USP32: variants seen among roughly 807,000 people sequenced by gnomAD.
USP32 encodes ubiquitin specific peptidase 32, also known as ubiquitin carboxyl-terminal hydrolase 32.
A neutral mutation model predicts 204.8 loss-of-function variants in USP32; 59 were observed. The ratio of observed to expected loss-of-function variants is 0.29; its 90% CI spans 0.23 to 0.36. USP32 has a LOEUF of 0.36. Among genes scored for constraint, USP32 ranks in the 10% least tolerant of loss-of-function variants. The probability of loss-of-function intolerance (pLI) is 1.00; values close to 1 mark genes in which losing one functional copy is unlikely to be tolerated. For missense variants in USP32, 1,160 were observed against 1,946.4 expected (o/e 0.60, Z 7.60); for synonymous variants, 517 against 678.4 (o/e 0.76, Z 3.70).
At chr17:60,392,544 T>G (rs2089861105), upstream of USP32, 3 of 395,774 alleles carry the variant, frequency 7.6e-6, no homozygotes, top group Non-Finnish European at 1.5e-5. Flanking sequence ...CAGCTGACGG[T>G]TAGTGTGGCA....
chr17:60,224,413 G>A (rs959545104), intron 13 of USP32, among the ~76,000 whole-genome samples: 1 of 152,156 alleles, frequency 6.6e-6, no homozygotes, highest in African/African-American at 2.4e-5. Flanking sequence ...ATTCTACAAG[G>A]AGCTTTGTGA....
chr17:60,257,213 T>TTTTAATAAAATA (rs1424691056), intron 9 of USP32: 24 of 157,902 alleles, frequency 1.5e-4, no homozygotes, highest in African/African-American at 5.8e-4. Context: ...GCAATAATTT[T>TTTTAATAAAATA]ATTAAAAAAG....
rs202119629 is a variant in USP32, at chr17:60,255,171, A to G, written c.1074+4T>C. On this transcript the variant is annotated splice_donor_region_variant and intron_variant, in intron 10 of 33. Transcript: ENST00000300896. ...TCTGTTGCTGTCATTTACCTTAAAC[A>G]TACCTGGAAAAGGAGGTTCAAAAAC... is the stretch of plus-strand genomic sequence containing the variant. The G allele has an allele frequency of 1.3e-4, 205 of 1,609,174 alleles. 1 individual carries two copies. In the African/African-American group the frequency reaches 2.6e-3, roughly 20 times the overall value.
chr17:60,316,818 G>A (rs1265132089), intron 2 of USP32, among the ~76,000 whole-genome samples: 1 of 152,110 alleles, frequency 6.6e-6, no homozygotes, highest in African/African-American at 2.4e-5. Flanking sequence ...TCCAGCCTGG[G>A]CAAAAGAGCG....
chr17:60,214,533 C>A lies in USP32; in HGVS notation c.2022+87G>T, dbSNP rs541914593. 8.2e-5 allele frequency: 103 copies of A among 1,254,846 alleles called. No individual in the cohort carries two copies. The African/African-American group carries it at 1.4e-3, about 17-fold the overall frequency. 77.7% of individuals were successfully genotyped at this position (1,254,846 alleles called of 1,614,324 possible). A position where few individuals can be genotyped will look rare whatever the true frequency, so the allele number is the denominator to read the frequency against. ...CATATGTACTAAAATTGGAACAATA[C>A]AAAGAAGTTTAGCAAATTTCTTTTA... On this transcript the variant is annotated intron_variant, in intron 17 of 33. Coordinates refer to ENST00000300896, the MANE Select transcript of USP32 (RefSeq NM_032582.4).
intron 1 of USP32, among the ~76,000 whole-genome samples, chr17:60,400,696 G>A (rs549694284): frequency 6.6e-6 from 1 of 152,174 alleles, no homozygotes; most frequent in Non-Finnish European, 1.5e-5. Flanking sequence ...GACATAGGTT[G>A]AGGAGTCATT....
intron 5 of USP32, among the ~76,000 whole-genome samples, chr17:60,288,192 G>A (rs982347886): frequency 2.0e-5 from 3 of 150,812 alleles, no homozygotes; most frequent in Non-Finnish European, 2.9e-5. Context: ...CAAGACTCAG[G>A]ACTTTGGGAA....
chr17:60,317,923 T>C (rs2088021728), intron 2 of USP32, among the ~76,000 whole-genome samples: 1 of 152,152 alleles, frequency 6.6e-6, no homozygotes, highest in Non-Finnish European at 1.5e-5. Context: ...AGGCAGAGAT[T>C]GCAGTAAGCT....
At chr17:60,416,042 G>C (rs1342552949) in intron 1 of USP32, among the ~76,000 whole-genome samples, 1 of 152,126 alleles carries the variant, frequency 6.6e-6, no homozygotes, top group Non-Finnish European at 1.5e-5. Context: ...GTTTCAGCAT[G>C]TTGGCCAGAA....
In USP32 at chr17:60,223,495, G is replaced by T. The variant is rs930103779; in HGVS notation, c.1524C>A (p.Ala508=). ...TAAGGTGCAACAAAATATTCCCATT[G>T]GCTCCCAGCAAACACTGGTTGTTAT... ...SDNNNQCLLG[A]NGNILLHLNP... is the part of the protein sequence containing the mutation. Residue 508 remains alanine, a synonymous_variant, in exon 14 of 34, where the codon GCC becomes GCA. Transcript: ENST00000300896. 1 of 1,613,586 alleles carries T rather than the reference G, an allele frequency of 6.2e-7. No homozygotes were observed. The highest frequency in any genetic ancestry group is 1.3e-5 in the African/African-American group (1 of 74,864).
rs138650393 is a variant in USP32, at chr17:60,244,700, C to G, written c.1136+7681G>C. Among the ~76,000 whole-genome samples the G allele has an allele frequency of 1.2e-3, 190 of 152,344 alleles. 1 individual carries two copies. The highest frequency in any genetic ancestry group is 4.4e-3 in the African/African-American group (185 of 41,588). On this transcript the variant is annotated intron_variant, in intron 11 of 33. Coordinates refer to ENST00000300896, the MANE Select transcript of USP32 (RefSeq NM_032582.4). ...AGGCTGGAGAGCAGGCGTTCCATCTCAGCTTACTGCAACCTCTGCCTCCTG... is the reference window on the plus strand; with the variant it reads ...AGGCTGGAGAGCAGGCGTTCCATCTGAGCTTACTGCAACCTCTGCCTCCTG...
chr17:60,410,848 A>AG (rs1343072280), intron 1 of USP32, among the ~76,000 whole-genome samples: 1 of 152,012 alleles, frequency 6.6e-6, no homozygotes, highest in Non-Finnish European at 1.5e-5. Flanking sequence ...TGGGAGGCTG[A>AG]GGTGGGGGGA....
intron 2 of USP32, among the ~76,000 whole-genome samples, chr17:60,338,867 G>T (rs761229583): frequency 6.6e-6 from 1 of 152,116 alleles, no homozygotes; most frequent in Non-Finnish European, 1.5e-5. Flanking sequence ...ACATGGTTAC[G>T]ATTATAAGCA....
Position 60,226,759 on chromosome 17 carries a change from G to A in USP32, c.1240-528C>T, listed in dbSNP as rs565975567. Among the ~76,000 whole-genome samples the A allele has an allele frequency of 6.8e-4, 104 of 152,134 alleles. 1 individual carries two copies. In the South Asian group the frequency reaches 0.021, roughly 30 times the overall value. Reference sequence around the variant, plus strand: ...TACATAGAGTGAAGGGCAATGCTATGACTTATACCTATGTGACCTTCTACA... The same window carrying A: ...TACATAGAGTGAAGGGCAATGCTATAACTTATACCTATGTGACCTTCTACA... On this transcript the variant is annotated intron_variant, in intron 12 of 33. Transcript: ENST00000300896.
At chr17:60,255,039 A>T in intron 10 of USP32, 136 bp downstream of exon 10, 1 of 581,986 alleles carries the variant, frequency 1.7e-6, no homozygotes, top group Non-Finnish European at 2.9e-6. Context: ...TCAGACGAGT[A>T]ATGTAGTTCT....
chr17:60,277,918 CT>C (rs11422765), intron 5 of USP32, among the ~76,000 whole-genome samples: 2,749 of 132,604 alleles, frequency 0.021, 49 homozygotes, highest in African/African-American at 0.072. Context: ...ATAATAGTTC[CT>C]TTTTTTTTTT....
rs1287124073 is a variant in USP32, at chr17:60,336,443, C to T, written c.186+9038G>A. ...CAAAAAGAAATGAATTGGCCGGGCG[C>T]GGTGGCTCACGCCTGTAATCCCAGC... On this transcript the variant is annotated intron_variant, in intron 2 of 33. Transcript: ENST00000300896. 2.1e-5 allele frequency among the ~76,000 whole-genome samples: 3 copies of T among 142,738 alleles called. 1 individual carries two copies. Among genetic ancestry groups the T allele is most frequent in the African/African-American group, 9.0e-5 (3 of 33,304 alleles). 93.6% of individuals were successfully genotyped at this position (142,738 alleles called of 152,430 possible).
chr17:60,421,747 C>A, intron 1 of USP32: 2 of 828,390 alleles, frequency 2.4e-6, no homozygotes, highest in Non-Finnish European at 2.9e-6. Context: ...ACTCTGCCCA[C>A]CGCGTTTCCG....
intron 30 of USP32, among the ~76,000 whole-genome samples, chr17:60,183,855 T>C (rs1230905361): frequency 6.6e-6 from 1 of 152,228 alleles, no homozygotes; most frequent in Non-Finnish European, 1.5e-5. Context: ...TGAATTGCAG[T>C]TACTGGTCTA....
Sources: allele counts gnomAD v4.1 joint callset (sites outside exome capture counted in the v4.1 genomes callset), GRCh38; gene constraint gnomAD v4.1.1; transcripts MANE v1.5; gene names NCBI Gene and HGNC (gene_info 2026-07-23, HGNC 2026-07-21).